The following PPM1H variants were observed in gnomAD, a reference collection of about 807,000 sequenced individuals.
The protein encoded by PPM1H is protein phosphatase 1H.
A neutral mutation model predicts 54.9 loss-of-function variants in PPM1H; 27 were observed. The ratio of observed to expected loss-of-function variants is 0.49; its 90% CI spans 0.36 to 0.68. The LOEUF is 0.68. PPM1H is among the 30% of genes least tolerant of loss of function. The probability of loss-of-function intolerance (pLI) is 0.00; values close to 1 mark genes in which losing one functional copy is unlikely to be tolerated. For synonymous variants in PPM1H, 305 were observed against 270.8 expected (o/e 1.13, Z -1.24); for missense variants, 596 against 667.8 (o/e 0.89, Z 1.19).
chr12:62,657,668 C>A (rs990006705), intron 9 of PPM1H, among the ~76,000 whole-genome samples: 2 of 152,114 alleles, frequency 1.3e-5, no homozygotes, highest in Non-Finnish European at 2.9e-5. Context: ...TTTTGAAAAC[C>A]TTATGGCATG....
intron 2 of PPM1H, among the ~76,000 whole-genome samples, chr12:62,830,287 G>A (rs1310468962): frequency 2.6e-5 from 4 of 151,656 alleles, no homozygotes; most frequent in Non-Finnish European, 2.9e-5. Flanking sequence ...ACGGAGTCTC[G>A]CTCTGTCACC....
chr12:62,840,977 G>A (rs1327620384), intron 1 of PPM1H, among the ~76,000 whole-genome samples: 1 of 151,350 alleles, frequency 6.6e-6, no homozygotes, highest in East Asian at 1.9e-4. Context: ...TCGGTGGAAG[G>A]GAAGAGAGTA....
intron 1 of PPM1H, among the ~76,000 whole-genome samples, chr12:62,886,381 G>A (rs546486933): frequency 6.6e-6 from 1 of 152,208 alleles, no homozygotes; most frequent in African/African-American, 2.4e-5. Flanking sequence ...GTTATTTTGT[G>A]CATTTTGGAT....
chr12:62,769,025 C>T (rs1012397219), intron 4 of PPM1H, among the ~76,000 whole-genome samples: 8 of 152,190 alleles, frequency 5.3e-5, no homozygotes, highest in African/African-American at 1.9e-4. Flanking sequence ...ACACATTATA[C>T]ACAGATATGT....
chr12:62,687,167 G>A (rs868530290), intron 8 of PPM1H, among the ~76,000 whole-genome samples: 8 of 152,234 alleles, frequency 5.3e-5, no homozygotes, highest in Admixed American at 2.0e-4. Flanking sequence ...TTTCCGCTGT[G>A]GAGGCTTTGC....
At chr12:62,852,096 G>T (rs910467235) in intron 1 of PPM1H, among the ~76,000 whole-genome samples, 1 of 151,984 alleles carries the variant, frequency 6.6e-6, no homozygotes, top group Non-Finnish European at 1.5e-5. Flanking sequence ...GGGCGTGGTG[G>T]CGGGCGCCTG....
chr12:62,677,921 G>A (rs565736834), intron 8 of PPM1H, among the ~76,000 whole-genome samples: 43 of 152,358 alleles, frequency 2.8e-4, no homozygotes, highest in Non-Finnish European at 4.4e-4. Flanking sequence ...TTTTCAGGAA[G>A]TGGATTCCAG....
intron 2 of PPM1H, among the ~76,000 whole-genome samples, chr12:62,814,134 C>T (rs1436451985): frequency 6.6e-6 from 1 of 152,138 alleles, no homozygotes; most frequent in Non-Finnish European, 1.5e-5. Context: ...AGCTGGAGTG[C>T]AGTGGCATGA....
At chr12:62,913,928 G>A (rs1461193688) in intron 1 of PPM1H, among the ~76,000 whole-genome samples, 1 of 152,156 alleles carries the variant, frequency 6.6e-6, no homozygotes, top group Admixed American at 6.5e-5. Flanking sequence ...TCGAACTTCT[G>A]ACCTCAAGTG....
intron 5 of PPM1H, among the ~76,000 whole-genome samples, chr12:62,723,224 G>T (rs2076272860): frequency 6.6e-6 from 1 of 151,790 alleles, no homozygotes. Flanking sequence ...CCCTAGCCTG[G>T]AAAAAGGTCA....
In PPM1H at chr12:62,884,515, A is replaced by AAAAAAG. The variant is rs1555203634; in HGVS notation, c.245+49976_245+49977insCTTTTT. Among the ~76,000 whole-genome samples, 42 of 146,404 alleles carry AAAAAAG rather than the reference A, an allele frequency of 2.9e-4. No homozygotes were observed. The East Asian group carries it at 3.3e-3, about 12-fold the overall frequency. On this transcript the variant is annotated intron_variant, in intron 1 of 9. Coordinates refer to ENST00000228705, the MANE Select transcript of PPM1H (RefSeq NM_020700.2). ...AAACTCCATATCAAAAAAAAAAAAA[A>AAAAAAG]AAAGAAAGAAAGAAAGAGAGAAAAG... is the stretch of plus-strand genomic sequence containing the variant.
At chr12:62,658,714 T>C (rs2075862160) in intron 9 of PPM1H, 1 of 347,994 alleles carries the variant, frequency 2.9e-6, no homozygotes. Flanking sequence ...GAACAGTTCA[T>C]TTCGTGACCC....
intron 1 of PPM1H, among the ~76,000 whole-genome samples, chr12:62,878,014 C>T (rs1592649907): frequency 2.6e-5 from 4 of 151,894 alleles, no homozygotes; most frequent in Admixed American, 2.6e-4. Context: ...TCTCCTGTCT[C>T]AGCCTCCTGA....
chr12:62,740,060 G>C (rs1018449817), intron 4 of PPM1H, among the ~76,000 whole-genome samples: 1 of 152,150 alleles, frequency 6.6e-6, no homozygotes, highest in Non-Finnish European at 1.5e-5. Context: ...AAAGCATTCT[G>C]TTTAAAATCA....
chr12:62,683,033 T>TTTTA (rs1491110813), intron 8 of PPM1H, among the ~76,000 whole-genome samples: 1 of 133,674 alleles, frequency 7.5e-6, no homozygotes, highest in Non-Finnish European at 1.6e-5. Context: ...GAGTTTATTA[T>TTTTA]TTATTATTAT....
At chr12:62,907,839 A>G (rs1871344886) in intron 1 of PPM1H, among the ~76,000 whole-genome samples, 1 of 152,172 alleles carries the variant, frequency 6.6e-6, no homozygotes, top group South Asian at 2.1e-4. Flanking sequence ...CAGCTCCCAG[A>G]GGCTGACAGA....
At chr12:62,713,173 G>T (rs1565765453) in intron 6 of PPM1H, among the ~76,000 whole-genome samples, 1 of 152,198 alleles carries the variant, frequency 6.6e-6, no homozygotes, top group African/African-American at 2.4e-5. Context: ...GCCTGATGCT[G>T]TGGGGCTGTG....
At chr12:62,764,910 T>C (rs1391425970) in intron 4 of PPM1H, among the ~76,000 whole-genome samples, 3 of 152,100 alleles carry the variant, frequency 2.0e-5, no homozygotes, top group Admixed American at 2.0e-4. Context: ...GCTCGGCCTG[T>C]GTGAGGAGCT....
intron 1 of PPM1H, among the ~76,000 whole-genome samples, chr12:62,875,969 T>C (rs1050234132): frequency 1.3e-5 from 2 of 152,186 alleles, no homozygotes; most frequent in Non-Finnish European, 2.9e-5. Flanking sequence ...AGCATGCTAA[T>C]GAAGATGGGG....
Sources: allele counts gnomAD v4.1 joint callset (sites outside exome capture counted in the v4.1 genomes callset), GRCh38; gene constraint gnomAD v4.1.1; transcripts MANE v1.5; gene names NCBI Gene and HGNC (gene_info 2026-07-23, HGNC 2026-07-21).